Variants in KDM4C observed in about 807,000 individuals in gnomAD.
The protein encoded by KDM4C is lysine demethylase 4C.
KDM4C carries 81 observed loss-of-function variants against 129.3 expected under a neutral mutation model. The observed-to-expected ratio is 0.63, with a 90% CI of 0.52 to 0.75. The LOEUF (loss-of-function observed/expected upper bound fraction) is 0.75, where lower values mean the gene tolerates loss of function less well. Ranked by LOEUF, KDM4C falls within the 30% of genes least tolerant of loss-of-function variation. KDM4C has a pLI of 0.00. For synonymous variants in KDM4C, 573 were observed against 456.1 expected (o/e 1.26, Z -3.26); for missense variants, 1,457 against 1,304.0 (o/e 1.12, Z -1.81).
chr9:6,882,209 A>C (rs1056641688), intron 6 of KDM4C, among the ~76,000 whole-genome samples: 1 of 152,214 alleles, frequency 6.6e-6, no homozygotes, highest in African/African-American at 2.4e-5. Flanking sequence ...GAATTGTTAC[A>C]ATTTTTATAC....
intron 4 of KDM4C, among the ~76,000 whole-genome samples, chr9:6,816,898 A>T (rs1338379600): frequency 5.5e-5 from 8 of 144,696 alleles, no homozygotes; most frequent in African/African-American, 1.8e-4. Flanking sequence ...AGTGATTCTT[A>T]CTGGTTTATA....
intron 8 of KDM4C, among the ~76,000 whole-genome samples, chr9:6,960,664 A>G (rs906805260): frequency 6.6e-6 from 1 of 152,324 alleles, no homozygotes; most frequent in East Asian, 1.9e-4. Context: ...TTTCACACTG[A>G]CACAAATTTT....
At chr9:7,170,511 A>G in intron 21 of KDM4C, 2 of 975,496 alleles carry the variant, frequency 2.1e-6, no homozygotes, top group Non-Finnish European at 2.4e-6. Context: ...AACATGGACA[A>G]ATATTCAAAA....
intron 5 of KDM4C, among the ~76,000 whole-genome samples, chr9:6,859,081 T>G (rs1388055505): frequency 6.6e-6 from 1 of 152,166 alleles, no homozygotes; most frequent in Non-Finnish European, 1.5e-5. Flanking sequence ...TTTTAGTTAG[T>G]AGGGTTTGAA....
At chr9:7,063,970 C>T in intron 17 of KDM4C, among the ~76,000 whole-genome samples, 1 of 152,200 alleles carries the variant, frequency 6.6e-6, no homozygotes, top group East Asian at 1.9e-4. Context: ...TGGAGCTGTG[C>T]TGTCTGTGTG....
Position 7,165,453 on chromosome 9 carries a change from G to A in KDM4C, c.2901+96G>A. 4.4e-6 allele frequency: 6 copies of A among 1,376,310 alleles called. No homozygotes were observed. The South Asian group carries it at 6.8e-5, about 16-fold the overall frequency. 85.3% of individuals were successfully genotyped at this position (1,376,310 alleles called of 1,614,324 possible). A position where few individuals can be genotyped will look rare whatever the true frequency, so the allele number is the denominator to read the frequency against. ...TGTGCTGCTGAACAATAAGCCACAT[G>A]AATTTGGGACACCTCTTATTTTATG... On this transcript the variant is annotated intron_variant, in intron 20 of 21. Coordinates refer to ENST00000381309, the MANE Select transcript of KDM4C (RefSeq NM_015061.6).
chr9:7,004,039 C>G (rs1383426456), intron 12 of KDM4C, among the ~76,000 whole-genome samples: 1 of 152,100 alleles, frequency 6.6e-6, no homozygotes, highest in Non-Finnish European at 1.5e-5. Flanking sequence ...TGGTGCTGTA[C>G]CAGCCAAAAC....
At chr9:6,920,374 CAA>C (rs1403918753) in intron 8 of KDM4C, among the ~76,000 whole-genome samples, 3 of 152,090 alleles carry the variant, frequency 2.0e-5, no homozygotes, top group Non-Finnish European at 2.9e-5. Flanking sequence ...CCAGCCTGGC[CAA>C]CATGGTAAGA....
chr9:6,772,210 C>T lies in KDM4C; in HGVS notation c.-18+14007C>T, dbSNP rs547368565. 1.4e-4 allele frequency among the ~76,000 whole-genome samples: 21 copies of T among 152,088 alleles called. No homozygotes were observed. The East Asian group carries it at 3.7e-3, about 27-fold the overall frequency. On this transcript the variant is annotated intron_variant, in intron 1 of 21. Transcript: ENST00000381309. Reference sequence around the variant, plus strand: ...TGTTGCCCAGGCTGGAGTGCAGTGGCGCGATCTCGGCTCACTGCAAGCTCC... The same window carrying T: ...TGTTGCCCAGGCTGGAGTGCAGTGGTGCGATCTCGGCTCACTGCAAGCTCC...
At chr9:6,858,789 A>G (rs1235401175) in intron 5 of KDM4C, among the ~76,000 whole-genome samples, 3 of 151,980 alleles carry the variant, frequency 2.0e-5, no homozygotes, top group Non-Finnish European at 4.4e-5. Flanking sequence ...CAAAAAAAAA[A>G]AATTACTATG....
At chr9:7,112,555 A>G (rs761898860) in intron 18 of KDM4C, among the ~76,000 whole-genome samples, 8 of 152,176 alleles carry the variant, frequency 5.3e-5, no homozygotes, top group Non-Finnish European at 1.2e-4. Context: ...AGGGACAACT[A>G]GTTAATTTAG....
At chr9:6,746,223 G>A (rs1390345932) in intron 1 of KDM4C, among the ~76,000 whole-genome samples, 1 of 149,300 alleles carries the variant, frequency 6.7e-6, no homozygotes, top group South Asian at 2.1e-4. Flanking sequence ...TTACAGGTGT[G>A]AGCCACTGTG....
At chr9:6,879,191 A>G (rs1280234986) in intron 5 of KDM4C, among the ~76,000 whole-genome samples, 1 of 152,218 alleles carries the variant, frequency 6.6e-6, no homozygotes, top group African/African-American at 2.4e-5. Context: ...AGTATAGTTT[A>G]TATGTAAAAC....
intron 12 of KDM4C, among the ~76,000 whole-genome samples, chr9:6,991,590 C>T (rs1478351859): frequency 6.6e-6 from 1 of 152,140 alleles, no homozygotes; most frequent in Admixed American, 6.5e-5. Context: ...GAAATTATTA[C>T]CTAAGGTCAT....
chr9:6,795,123 T>C (rs144587614), intron 2 of KDM4C, among the ~76,000 whole-genome samples: 233 of 152,302 alleles, frequency 1.5e-3, no homozygotes, highest in African/African-American at 5.4e-3. Context: ...GTTGCACTTA[T>C]GTAAAGGGTT....
Position 7,081,222 on chromosome 9 carries a change from CT to C in KDM4C, c.2425-22459del, listed in dbSNP as rs369275722. On this transcript the variant is annotated intron_variant, in intron 17 of 21. Transcript: ENST00000381309. Reference sequence around the variant, plus strand: ...TTGTTCCATCTTCTTCCCTGAATCTCTTTTATGTGCCACGTAGACACGTAGA... The same window carrying C: ...TTGTTCCATCTTCTTCCCTGAATCTCTTTATGTGCCACGTAGACACGTAGA... Among the ~76,000 whole-genome samples the C allele has an allele frequency of 1.7e-3, 264 of 152,268 alleles. 1 individual carries two copies. Among genetic ancestry groups the C allele is most frequent in the Admixed American group, 6.7e-3 (102 of 15,290 alleles).
chr9:6,920,962 A>G (rs1386383093), intron 8 of KDM4C, among the ~76,000 whole-genome samples: 1 of 152,114 alleles, frequency 6.6e-6, no homozygotes, highest in Non-Finnish European at 1.5e-5. Context: ...AAAAATTCTC[A>G]TCTTACATGA....
chr9:7,082,982 C>G (rs1405042839), intron 17 of KDM4C, among the ~76,000 whole-genome samples: 8 of 152,116 alleles, frequency 5.3e-5, no homozygotes, highest in Non-Finnish European at 7.4e-5. Flanking sequence ...AGGGATGGAC[C>G]TGCAGTTTCT....
chr9:6,974,610 G>C (rs1014234690), intron 8 of KDM4C, among the ~76,000 whole-genome samples: 2 of 152,078 alleles, frequency 1.3e-5, no homozygotes, highest in African/African-American at 4.8e-5. Context: ...TGCCCGCTTC[G>C]GCCTCTGAAA....
Sources: allele counts gnomAD v4.1 joint callset (sites outside exome capture counted in the v4.1 genomes callset), GRCh38; gene constraint gnomAD v4.1.1; transcripts MANE v1.5; gene names NCBI Gene and HGNC (gene_info 2026-07-23, HGNC 2026-07-21).